Variants in UROC1 observed in about 807,000 individuals in gnomAD.
UROC1 encodes the protein urocanate hydratase.
A neutral mutation model predicts 89.5 loss-of-function variants in UROC1; 79 were observed. The ratio of observed to expected loss-of-function variants is 0.88; its 90% CI spans 0.74 to 1.06. The LOEUF is 1.06. UROC1 is among the 50% of genes least tolerant of loss of function. The pLI, the probability that UROC1 is intolerant of heterozygous loss-of-function variation, is 0.00. For missense variants in UROC1, 885 were observed against 907.8 expected (o/e 0.97, Z 0.32); for synonymous variants, 361 against 354.8 (o/e 1.02, Z -0.20).
At chr3:126,483,785 C>G (rs540545138) in intron 18 of UROC1, among the ~76,000 whole-genome samples, 4 of 152,260 alleles carry the variant, frequency 2.6e-5, no homozygotes, top group Non-Finnish European at 5.9e-5. Flanking sequence ...ATAGCTGCCC[C>G]CTCCCTGCAT....
At chr3:126,482,533 C>T (rs371209059) in intron 19 of UROC1, 48 bp from the exon 20 acceptor site, 32 of 1,612,926 alleles carry the variant, frequency 2.0e-5, no homozygotes, top group Non-Finnish European at 2.5e-5. Flanking sequence ...AACCGGGCTC[C>T]CCACGTGAGT....
intron 4 of UROC1, 81 bp from the exon 5 acceptor site, chr3:126,508,176 G>C: frequency 1.2e-6 from 2 of 1,610,198 alleles, no homozygotes; most frequent in Admixed American, 3.3e-5. Context: ...TCCACGCCTG[G>C]ACAGCTCCCA....
At position 126,509,583 on chromosome 3, in the gene UROC1, A is replaced by G. The variant is rs1203224372; in HGVS notation, c.351+2T>C. ...CTGGGCCTCGGTTTCCCTGGCTATT[A>G]CCTGGGCCACGGCAGGATCCAGGTT... On this transcript the variant is annotated splice_donor_variant, in intron 3 of 19. Transcript: ENST00000290868. LOFTEE classifies it high-confidence loss of function. The G allele has an allele frequency of 6.4e-7, 1 of 1,551,666 alleles. No homozygotes were observed. Among genetic ancestry groups the G allele is most frequent in the South Asian group, 1.2e-5 (1 of 84,068 alleles).
intron 1 of UROC1, among the ~76,000 whole-genome samples, chr3:126,511,014 G>C (rs754964002): frequency 2.1e-4 from 32 of 152,104 alleles, no homozygotes; most frequent in Non-Finnish European, 3.8e-4. Flanking sequence ...CATGAAGGCA[G>C]ACTGATCCCT....
At chr3:126,502,261 G>A (rs1044696934) in intron 9 of UROC1, among the ~76,000 whole-genome samples, 7 of 149,532 alleles carry the variant, frequency 4.7e-5, no homozygotes, top group Non-Finnish European at 8.9e-5. Flanking sequence ...TTATGTGTGT[G>A]TGCGCCTGTG....
In UROC1 at chr3:126,482,383, C is replaced by T. The variant is rs761968488; in HGVS notation, c.1993G>A (p.Glu665Lys). 2 of 1,613,690 alleles carry T rather than the reference C, an allele frequency of 1.2e-6. No homozygotes were observed. The highest frequency in any genetic ancestry group is 8.5e-7 in the Non-Finnish European group (1 of 1,179,970). ...GCCTGCTGGAGCACCCGCTCGTCCT[C>T]CACCTTGTGAGGCAGTGTCACCACC... ...TLVVTLPHKVEDERVLQQALQ... is the reference protein window; with the variant it reads ...TLVVTLPHKVKDERVLQQALQ... Residue 665 changes from glutamate (E) to lysine (K), a missense_variant, in exon 20 of 20, where the codon GAG becomes AAG. Glu to Lys is a moderately conservative substitution (Grantham distance 56). Transcript: ENST00000290868.
intron 9 of UROC1, among the ~76,000 whole-genome samples, chr3:126,502,453 T>C (rs992994153): frequency 1.3e-5 from 2 of 152,172 alleles, no homozygotes; most frequent in Non-Finnish European, 2.9e-5. Flanking sequence ...ATATGTGCAT[T>C]GTGTGTTGTG....
rs150032231 is a variant in UROC1 at position 126,496,862 on chromosome 3, C to G, written c.1439-754G>C. Among the ~76,000 whole-genome samples, 667 of 152,336 alleles carry G rather than the reference C, an allele frequency of 4.4e-3. 6 individuals carry two copies. Among genetic ancestry groups the G allele is most frequent in the African/African-American group, 0.015 (618 of 41,580 alleles). ...GAGTATCTGCCTGGTGGAGATGCCG[C>G]AGGGCATGTGCTGCGGGCATGTGGA... is the stretch of plus-strand genomic sequence containing the variant. On this transcript the variant is annotated intron_variant, in intron 14 of 19. Coordinates refer to ENST00000290868, the MANE Select transcript of UROC1 (RefSeq NM_144639.3).
intron 16 of UROC1, among the ~76,000 whole-genome samples, chr3:126,492,008 C>A (rs1935664638): frequency 6.6e-6 from 1 of 152,016 alleles, no homozygotes; most frequent in South Asian, 2.1e-4. Flanking sequence ...CCCAGATTAT[C>A]CCCAGAGGGG....
intron 15 of UROC1, 130 bp from the exon 16 acceptor site, chr3:126,492,646 T>A: frequency 1.5e-6 from 1 of 675,298 alleles, no homozygotes; most frequent in Non-Finnish European, 2.6e-6. Context: ...CCTAACAAGG[T>A]CCAGGAGGAC....
chr3:126,506,071 C>T (rs1936051457), intron 6 of UROC1, 60 bp from the exon 7 acceptor site: 4 of 1,597,542 alleles, frequency 2.5e-6, no homozygotes, highest in Middle Eastern at 3.3e-4. Context: ...CAGGTCCTCC[C>T]AGCCACTCCT....
rs982018859 is a variant in UROC1, at chr3:126,510,650, C to T, written c.257+14G>A. On this transcript the variant is annotated intron_variant, in intron 2 of 19. Coordinates refer to ENST00000290868, the MANE Select transcript of UROC1 (RefSeq NM_144639.3). ...CCCCTCGGGTCCCTTTGAAGCTGTACCCACAAGGCTGACCTCATTTCAATG... is the reference window on the plus strand; with the variant it reads ...CCCCTCGGGTCCCTTTGAAGCTGTATCCACAAGGCTGACCTCATTTCAATG... The T allele has an allele frequency of 9.3e-6, 15 of 1,613,526 alleles. No individual in the cohort carries two copies. Among genetic ancestry groups the T allele is most frequent in the Middle Eastern group, 1.6e-4 (1 of 6,082 alleles).
chr3:126,494,990 C>A (rs780318751), intron 15 of UROC1, among the ~76,000 whole-genome samples: 14 of 152,152 alleles, frequency 9.2e-5, no homozygotes, highest in Non-Finnish European at 1.5e-4. Context: ...GAGGGCGTGG[C>A]GCTCAGAGAG....
intron 15 of UROC1, among the ~76,000 whole-genome samples, chr3:126,494,010 C>T (rs1261365900): frequency 1.3e-5 from 2 of 152,208 alleles, no homozygotes; most frequent in Non-Finnish European, 2.9e-5. Context: ...GCTTATTTTA[C>T]TCACACCAGC....
chr3:126,509,843 G>C (rs924443821), intron 2 of UROC1, among the ~76,000 whole-genome samples, 165 bp from the exon 3 acceptor site: 6 of 152,252 alleles, frequency 3.9e-5, no homozygotes. Context: ...AGGGCTGAGG[G>C]AGGTGGCGTT....
chr3:126,502,620 G>GTGTGTGTTTA (rs1419409713), intron 9 of UROC1, among the ~76,000 whole-genome samples: 6 of 151,426 alleles, frequency 4.0e-5, no homozygotes, highest in Non-Finnish European at 7.4e-5. Context: ...TTATGTGTAT[G>GTGTGTGTTTA]TGTGTGTTTA....
chr3:126,482,542 G>T lies in UROC1; in HGVS notation c.1891-57C>A, dbSNP rs926606818. 33 of 1,612,668 alleles carry T rather than the reference G, an allele frequency of 2.0e-5. No homozygotes were observed. In the African/African-American group the frequency reaches 4.4e-4, roughly 22 times the overall value. On this transcript the variant is annotated intron_variant, in intron 19 of 19. Coordinates refer to ENST00000290868, the MANE Select transcript of UROC1 (RefSeq NM_144639.3). ...CAACATAACCGGGCTCCCCACGTGA[G>T]TCTTGGCTCCCACACTTGGGGCCTC...
At position 126,483,452 on chromosome 3, in the gene UROC1, CG is replaced by C. The variant is rs1560113832; in HGVS notation, c.1806del (p.Asn602LysfsTer20). ...CCGTCCAGCACGAGGCCGAATCCCC[CG>C]TTGATCACCTCACCCCTGCAGGAGG... ...GGGVGWGEVI[N>X]GGFGLVLDGT... On this transcript the variant is annotated frameshift_variant, in exon 19 of 20. Coordinates refer to ENST00000290868, the MANE Select transcript of UROC1 (RefSeq NM_144639.3). LOFTEE classifies it high-confidence loss of function. 2.5e-6 allele frequency: 4 copies of C among 1,613,894 alleles called. No individual in the cohort carries two copies. Among genetic ancestry groups the C allele is most frequent in the Non-Finnish European group, 3.4e-6 (4 of 1,180,040 alleles).
rs1936043376 is a variant in UROC1 at position 126,505,809 on chromosome 3, G to T, written c.705C>A (p.Gly235=). Residue 235 remains glycine, a synonymous_variant, in exon 8 of 20, where the codon GGC becomes GGA. Coordinates refer to ENST00000290868, the MANE Select transcript of UROC1 (RefSeq NM_144639.3). ...TVLNAARRYL[G]IEDLAGKVFV... The stretch of plus-strand genomic sequence containing the variant: ...AGACCTTCCCAGCCAAGTCCTCGAT[G>T]CCCAGGTACCGACGTGCAGCATTCA... The T allele has an allele frequency of 6.2e-7, 1 of 1,613,782 alleles. No individual in the cohort carries two copies. Among genetic ancestry groups the T allele is most frequent in the South Asian group, 1.1e-5 (1 of 91,088 alleles).
Sources: gnomAD v4.1 joint callset for allele counts (sites outside exome capture counted in the v4.1 genomes callset) on GRCh38, gnomAD v4.1.1 for gene constraint, MANE v1.5 for transcripts, NCBI Gene and HGNC (gene_info 2026-07-23, HGNC 2026-07-21) for gene names.